TMEM117: variants seen among roughly 807,000 people sequenced by gnomAD.
TMEM117 encodes the protein transmembrane protein 117.
TMEM117 carries 27 observed loss-of-function variants against 52.4 expected under a neutral mutation model. The ratio of observed to expected loss-of-function variants is 0.51; its 90% CI spans 0.38 to 0.71. TMEM117 has a LOEUF of 0.71. Among genes scored for constraint, TMEM117 ranks in the 30% least tolerant of loss-of-function variants. TMEM117 has a pLI of 0.00. For missense variants in TMEM117, 556 were observed against 630.5 expected, an observed-to-expected ratio of 0.88 and a Z score of 1.26; for synonymous variants, 215 against 206.3, an observed-to-expected ratio of 1.04 and a Z score of -0.36.
intron 6 of TMEM117, among the ~76,000 whole-genome samples, chr12:44,315,705 T>C (rs556305689): frequency 2.4e-4 from 36 of 152,280 alleles, no homozygotes; most frequent in African/African-American, 8.2e-4. Flanking sequence ...TTCATAGATA[T>C]AGGAGTATTT....
chr12:44,324,741 A>G (rs531258529), intron 6 of TMEM117, among the ~76,000 whole-genome samples: 2 of 152,276 alleles, frequency 1.3e-5, no homozygotes, highest in South Asian at 4.1e-4. Flanking sequence ...AGGTCACAAT[A>G]TGTTGCTAAC....
At chr12:43,890,851 A>G (rs1944090958) in intron 2 of TMEM117, among the ~76,000 whole-genome samples, 2 of 152,218 alleles carry the variant, frequency 1.3e-5, no homozygotes, top group South Asian at 4.1e-4. Context: ...TTTCTTATGA[A>G]TACTTTTAAA....
chr12:43,891,830 T>G (rs1037272779), intron 2 of TMEM117, among the ~76,000 whole-genome samples: 150 of 152,318 alleles, frequency 9.8e-4, no homozygotes, highest in African/African-American at 3.4e-3. Flanking sequence ...TCAGCTTCCT[T>G]AGTTCTCTAT....
chr12:44,227,864 A>G (rs1485179502), intron 5 of TMEM117, among the ~76,000 whole-genome samples: 1 of 152,142 alleles, frequency 6.6e-6, no homozygotes, highest in Non-Finnish European at 1.5e-5. Flanking sequence ...TTCTTTTCCC[A>G]AGGCCCAGGA....
downstream of TMEM117, among the ~76,000 whole-genome samples, chr12:44,392,695 C>G: frequency 6.9e-6 from 1 of 144,790 alleles, no homozygotes; most frequent in South Asian, 2.4e-4. Flanking sequence ...CACGACAGGC[C>G]CCGGGGTGTG....
chr12:44,344,426 G>A (rs78650344), intron 6 of TMEM117, among the ~76,000 whole-genome samples: 2,003 of 152,130 alleles, frequency 0.013, 44 homozygotes, highest in African/African-American at 0.046. Flanking sequence ...AATACCTTTT[G>A]AACAAGGGGC....
chr12:44,083,410 T>G (rs1947515805), intron 3 of TMEM117, among the ~76,000 whole-genome samples: 1 of 147,162 alleles, frequency 6.8e-6, no homozygotes, highest in Non-Finnish European at 1.5e-5. Flanking sequence ...TTTTTTTTTT[T>G]TTTTTAGACA....
At chr12:43,980,601 A>G (rs1339730033) in intron 3 of TMEM117, among the ~76,000 whole-genome samples, 3 of 152,112 alleles carry the variant, frequency 2.0e-5, no homozygotes, top group African/African-American at 7.2e-5. Flanking sequence ...AGTGGGCACC[A>G]ATGACTTACT....
chr12:43,832,070 G>T (rs1020780650), upstream of TMEM117, among the ~76,000 whole-genome samples: 1 of 152,184 alleles, frequency 6.6e-6, no homozygotes, highest in African/African-American at 2.4e-5. Context: ...AAGAAATGGA[G>T]TTGTTTGGGC....
chr12:44,063,826 A>C (rs545846445), intron 3 of TMEM117, among the ~76,000 whole-genome samples: 1 of 152,278 alleles, frequency 6.6e-6, no homozygotes, highest in East Asian at 1.9e-4. Flanking sequence ...ATATAAAGGA[A>C]TGCATGGCTC....
chr12:43,935,000 G>A (rs548700808), intron 2 of TMEM117, among the ~76,000 whole-genome samples: 4 of 151,964 alleles, frequency 2.6e-5, no homozygotes, highest in South Asian at 2.1e-4. Flanking sequence ...TTCTGTTACC[G>A]TTTTTTATTT....
At chr12:44,317,793 T>C (rs185827358) in intron 6 of TMEM117, among the ~76,000 whole-genome samples, 12 of 152,284 alleles carry the variant, frequency 7.9e-5, no homozygotes, top group Admixed American at 3.3e-4. Flanking sequence ...TTCAACCTTG[T>C]TTACTGGGAG....
chr12:44,226,719 A>G (rs1279111714), intron 5 of TMEM117, among the ~76,000 whole-genome samples: 1 of 152,234 alleles, frequency 6.6e-6, no homozygotes, highest in East Asian at 1.9e-4. Context: ...ATTAGGATAC[A>G]GACACACACA....
intron 3 of TMEM117, among the ~76,000 whole-genome samples, chr12:44,086,732 C>G (rs1432078058): frequency 3.3e-5 from 5 of 151,998 alleles, no homozygotes; most frequent in African/African-American, 1.2e-4. Flanking sequence ...CGCTATCAAA[C>G]AAAGTATGAA....
At chr12:44,029,567 C>T (rs572356416) in intron 3 of TMEM117, among the ~76,000 whole-genome samples, 7 of 152,300 alleles carry the variant, frequency 4.6e-5, no homozygotes, top group African/African-American at 1.2e-4. Context: ...CTTTGGCCTC[C>T]CTGAGTGCCT....
chr12:44,256,498 C>G (rs1950261866), intron 5 of TMEM117, among the ~76,000 whole-genome samples: 2 of 151,924 alleles, frequency 1.3e-5, no homozygotes, highest in African/African-American at 4.8e-5. Flanking sequence ...GATGAAATTA[C>G]TCTTATAAAT....
intron 4 of TMEM117, among the ~76,000 whole-genome samples, chr12:44,155,079 A>T (rs1948808177): frequency 6.6e-6 from 1 of 152,070 alleles, no homozygotes; most frequent in Admixed American, 6.6e-5. Context: ...TCTTTCCTCC[A>T]TTCAGCCACC....
intron 5 of TMEM117, among the ~76,000 whole-genome samples, chr12:44,252,584 T>G (rs1950208935): frequency 6.6e-6 from 1 of 152,198 alleles, no homozygotes; most frequent in East Asian, 1.9e-4. Context: ...CTGCTCCCAA[T>G]CCCTATTATG....
chr12:44,386,650 C>T (rs946903190), intron 7 of TMEM117, among the ~76,000 whole-genome samples: 1 of 151,978 alleles, frequency 6.6e-6, no homozygotes, highest in Admixed American at 6.6e-5. Context: ...AGGCACTGTC[C>T]TTAGCATCTA....
Sources: gnomAD v4.1 joint callset for allele counts (sites outside exome capture counted in the v4.1 genomes callset) on GRCh38, gnomAD v4.1.1 for gene constraint, MANE v1.5 for transcripts, NCBI Gene and HGNC (gene_info 2026-07-23, HGNC 2026-07-21) for gene names.